Variants in ALK observed in about 807,000 individuals in gnomAD.
ALK encodes ALK tyrosine kinase receptor.
A neutral mutation model predicts 163.1 loss-of-function variants in ALK; 74 were observed. The observed-to-expected ratio is 0.45, with a 90% confidence interval of 0.38 to 0.55. The LOEUF is 0.55. ALK is among the 20% of genes least tolerant of loss of function. The pLI is 0.00. For missense variants in ALK, 2,063 were observed against 2,105.3 expected (o/e 0.98, Z 0.39); for synonymous variants, 960 against 843.2 (o/e 1.14, Z -2.40).
At chr2:29,370,349 G>A (rs1668609586) in intron 5 of ALK, among the ~76,000 whole-genome samples, 1 of 152,100 alleles carries the variant, frequency 6.6e-6, no homozygotes, top group Non-Finnish European at 1.5e-5. Flanking sequence ...GTTGGTCCCA[G>A]CCATGGCAGC....
intron 1 of ALK, among the ~76,000 whole-genome samples, chr2:29,776,417 TGGCAGACGATAGTTTG>T (rs1681178349): frequency 4.1e-5 from 1 of 24,180 alleles, no homozygotes; most frequent in Non-Finnish European, 3.1e-4. Context: ...CAAGAAACAG[TGGCAGACGATAGTTTG>T]AAAACAGCCT....
rs146450882 is a variant in ALK at position 29,821,699 on chromosome 2, G to T, written c.667+98294C>A. 5.9e-3 allele frequency among the ~76,000 whole-genome samples: 893 copies of T among 152,260 alleles called. 4 individuals are homozygous for T. The highest frequency in any genetic ancestry group is 0.014 in the Middle Eastern group (4 of 294). ...CCTGACATCCTCCTGGCATTAAGAG[G>T]AAGACCTCTGGAATGCATTTCACCA... On this transcript the variant is annotated intron_variant, in intron 1 of 28. Transcript: ENST00000389048.
chr2:29,701,567 T>C (rs1367756790), intron 2 of ALK, among the ~76,000 whole-genome samples: 2 of 152,324 alleles, frequency 1.3e-5, no homozygotes, highest in East Asian at 1.9e-4. Context: ...CTTGATTTTG[T>C]CTCTTATTAT....
intron 1 of ALK, among the ~76,000 whole-genome samples, chr2:29,825,038 A>C (rs1388878715): frequency 6.6e-6 from 1 of 152,158 alleles, no homozygotes; most frequent in Admixed American, 6.5e-5. Flanking sequence ...ATAGTGAGTA[A>C]GGCTCATGAG....
chr2:29,551,942 A>G (rs1673725556), intron 3 of ALK, among the ~76,000 whole-genome samples: 1 of 152,338 alleles, frequency 6.6e-6, no homozygotes, highest in Middle Eastern at 3.4e-3. Flanking sequence ...TTGTGCAACT[A>G]TCATCACAAC....
chr2:29,736,256 CA>C (rs1334552790), intron 1 of ALK, among the ~76,000 whole-genome samples: 2 of 151,910 alleles, frequency 1.3e-5, no homozygotes, highest in African/African-American at 2.4e-5. Context: ...GAAAAATATA[CA>C]AAGAAAATGC....
chr2:29,752,739 A>G (rs114638143), intron 1 of ALK, among the ~76,000 whole-genome samples: 2,332 of 152,198 alleles, frequency 0.015, 53 homozygotes, highest in African/African-American at 0.053. Context: ...TTCTGCTCTC[A>G]CATCCTGTAC....
chr2:29,260,653 G>A (rs955915418), intron 11 of ALK, among the ~76,000 whole-genome samples: 2 of 152,142 alleles, frequency 1.3e-5, no homozygotes, highest in South Asian at 2.1e-4. Flanking sequence ...ACTGGCCAAC[G>A]TGGTAAAACC....
intron 3 of ALK, among the ~76,000 whole-genome samples, chr2:29,651,222 T>C (rs1677026272): frequency 6.6e-6 from 1 of 152,054 alleles, no homozygotes; most frequent in Admixed American, 6.6e-5. Context: ...GACATGATAG[T>C]GGGGGCTGCG....
At chr2:29,597,021 C>A (rs1558401792) in intron 3 of ALK, among the ~76,000 whole-genome samples, 1 of 152,200 alleles carries the variant, frequency 6.6e-6, no homozygotes, top group Non-Finnish European at 1.5e-5. Context: ...GTTGGTGTGA[C>A]TGTGGGCCAG....
intron 6 of ALK, among the ~76,000 whole-genome samples, chr2:29,323,421 A>G (rs1265255814): frequency 1.3e-5 from 2 of 152,234 alleles, no homozygotes; most frequent in South Asian, 2.1e-4. Context: ...GAAAGCCATC[A>G]GCATTCTCTG....
Position 29,193,532 on chromosome 2 carries a change from TC to T in ALK, c.4554del (p.Asn1519IlefsTer4), listed in dbSNP as rs2148137938. 1 of 1,614,188 alleles carries T rather than the reference TC, an allele frequency of 6.2e-7. No homozygotes were observed. Among genetic ancestry groups the T allele is most frequent in the African/African-American group, 1.3e-5 (1 of 75,030 alleles). ...GGCTCCTTCTTTGCTATAGGATTAT[TC>T]TTTTTGGTGGGTTTCTCTGTAAACC... is the stretch of plus-strand genomic sequence containing the variant. ...GSWFTEKPTK[K>X]NNPIAKKEPH... On this transcript the variant is annotated frameshift_variant, in exon 29 of 29. Transcript: ENST00000389048. LOFTEE classifies it low-confidence loss of function (END_TRUNC).
chr2:29,816,684 T>C (rs1264013689), intron 1 of ALK, among the ~76,000 whole-genome samples: 2 of 152,208 alleles, frequency 1.3e-5, no homozygotes, highest in East Asian at 3.9e-4. Flanking sequence ...CCTTGGTTTC[T>C]AGCCAGCTCC....
At chr2:29,670,070 T>C (rs1677635885) in intron 3 of ALK, among the ~76,000 whole-genome samples, 1 of 152,102 alleles carries the variant, frequency 6.6e-6, no homozygotes, top group South Asian at 2.1e-4. Context: ...TACAATACAG[T>C]ATTATGGGTT....
At chr2:29,276,406 C>A (rs1665548196) in intron 9 of ALK, among the ~76,000 whole-genome samples, 3 of 152,186 alleles carry the variant, frequency 2.0e-5, no homozygotes, top group Non-Finnish European at 1.5e-5. Flanking sequence ...TTGTTTGTTT[C>A]CTGGGAAATC....
chr2:29,717,973 A>G (rs1270832476), intron 1 of ALK, among the ~76,000 whole-genome samples: 1 of 152,216 alleles, frequency 6.6e-6, no homozygotes, highest in Non-Finnish European at 1.5e-5. Flanking sequence ...AGGGCACTTA[A>G]TGGCTTGGTC....
intron 1 of ALK, among the ~76,000 whole-genome samples, chr2:29,884,697 G>A (rs1666946645): frequency 6.6e-6 from 1 of 152,318 alleles, no homozygotes; most frequent in South Asian, 2.1e-4. Flanking sequence ...AGAAGGTAAT[G>A]TCAGCAAAGG....
At chr2:29,422,488 T>C (rs1670038070) in intron 4 of ALK, among the ~76,000 whole-genome samples, 1 of 147,148 alleles carries the variant, frequency 6.8e-6, no homozygotes, top group African/African-American at 2.7e-5. Context: ...CAATTACTTT[T>C]GCACCAACCT....
chr2:29,227,114 G>A lies in ALK; in HGVS notation c.2915-40C>T, dbSNP rs550127173. On this transcript the variant is annotated intron_variant, in intron 17 of 28. Transcript: ENST00000389048. This position sits in a 1 kb window ranked among gnomAD's most constrained non-coding sequence, Gnocchi z 4.4. The stretch of plus-strand genomic sequence containing the variant: ...GGAGGGTCAGTCTTGGGCCGAGCCT[G>A]CCTCCCCACTCCCAGCCTCAGTACT... 7 of 1,613,786 alleles carry A rather than the reference G, an allele frequency of 4.3e-6. No homozygotes were observed. In the South Asian group the frequency reaches 7.7e-5, roughly 18 times the overall value.
Sources: allele counts gnomAD v4.1 joint callset (sites outside exome capture counted in the v4.1 genomes callset), GRCh38; gene constraint gnomAD v4.1.1; non-coding constraint Gnocchi (gnomAD v3.1); transcripts MANE v1.5; gene names NCBI Gene and HGNC (gene_info 2026-07-23, HGNC 2026-07-21).